LHFPL3: variants seen among roughly 807,000 people sequenced by gnomAD.
LHFPL3 encodes the protein LHFPL tetraspan subfamily member 3, also known as LHFPL tetraspan subfamily member 3 protein.
Under a neutral mutation model 19.3 loss-of-function variants are expected in LHFPL3, and 5 were observed. The ratio of observed to expected loss-of-function variants is 0.26; its 90% confidence interval spans 0.14 to 0.54. The LOEUF is 0.54. Among genes scored for constraint, LHFPL3 ranks in the 20% least tolerant of loss-of-function variants. The pLI is 0.94. For missense variants in LHFPL3, 249 were observed against 307.4 expected, an observed-to-expected ratio of 0.81 and a Z score of 1.42; for synonymous variants, 133 against 126.2, an observed-to-expected ratio of 1.05 and a Z score of -0.36.
chr7:104,687,081 C>T (rs1251276614), intron 1 of LHFPL3, among the ~76,000 whole-genome samples: 1 of 152,222 alleles, frequency 6.6e-6, no homozygotes, highest in Non-Finnish European at 1.5e-5. Context: ...GGTGGGGACA[C>T]AGAGCCAGAC....
At chr7:104,729,611 G>A (rs1793655075) in intron 1 of LHFPL3, among the ~76,000 whole-genome samples, 1 of 151,998 alleles carries the variant, frequency 6.6e-6, no homozygotes. Context: ...TATAAGTGAG[G>A]TCATGTGATA....
intron 1 of LHFPL3, among the ~76,000 whole-genome samples, chr7:104,527,187 C>T (rs781163810): frequency 1.1e-4 from 17 of 152,132 alleles, no homozygotes; most frequent in Non-Finnish European, 1.9e-4. Flanking sequence ...GAGAGTTGGG[C>T]AGGGGGCGGA....
At chr7:104,396,186 C>T (rs1370815788) in intron 1 of LHFPL3, among the ~76,000 whole-genome samples, 2 of 152,136 alleles carry the variant, frequency 1.3e-5, no homozygotes, top group Non-Finnish European at 2.9e-5. Flanking sequence ...CTGTCTTGTA[C>T]CTATTCTAGA....
intron 1 of LHFPL3, among the ~76,000 whole-genome samples, chr7:104,549,448 AACACAC>A (rs61148155): frequency 0.027 from 3,819 of 140,308 alleles, 71 homozygotes; most frequent in African/African-American, 0.051. Context: ...CCCTTAACCC[AACACAC>A]ACACACACAC....
At chr7:104,683,927 A>T (rs1200937071) in intron 1 of LHFPL3, among the ~76,000 whole-genome samples, 1 of 152,202 alleles carries the variant, frequency 6.6e-6, no homozygotes, top group African/African-American at 2.4e-5. Flanking sequence ...ATCAATTGAG[A>T]ACCAGTTCTC....
chr7:104,884,597 C>G (rs999151568), intron 2 of LHFPL3, among the ~76,000 whole-genome samples: 1 of 152,140 alleles, frequency 6.6e-6, no homozygotes, highest in African/African-American at 2.4e-5. Flanking sequence ...GCAGCCTGAT[C>G]TCAACCAGCT....
intron 2 of LHFPL3, among the ~76,000 whole-genome samples, chr7:104,775,545 C>T (rs564166966): frequency 2.0e-5 from 3 of 152,014 alleles, no homozygotes; most frequent in Non-Finnish European, 4.4e-5. Flanking sequence ...ATTTTCCTGC[C>T]AGGTGTGTGA....
intron 1 of LHFPL3, among the ~76,000 whole-genome samples, chr7:104,517,506 C>CTTTTTTTT (rs34506009): frequency 1.5e-5 from 2 of 129,376 alleles, no homozygotes; most frequent in African/African-American, 2.9e-5. Context: ...ATTGATTGGC[C>CTTTTTTTT]TTTTTTTTTT....
intron 1 of LHFPL3, chr7:104,669,587 C>A: frequency 6.2e-7 from 1 of 1,611,252 alleles, no homozygotes; most frequent in Non-Finnish European, 8.5e-7. Context: ...ACCTCTACAT[C>A]CTGTGCTTTT....
chr7:104,721,950 G>A (rs151280021), intron 1 of LHFPL3, among the ~76,000 whole-genome samples: 2 of 152,172 alleles, frequency 1.3e-5, no homozygotes, highest in East Asian at 3.9e-4. Flanking sequence ...GAATGTGACT[G>A]GACCCTTGGT....
intron 1 of LHFPL3, among the ~76,000 whole-genome samples, chr7:104,356,395 C>G (rs1790275963): frequency 6.6e-6 from 1 of 152,200 alleles, no homozygotes; most frequent in Non-Finnish European, 1.5e-5. Context: ...AAGGAATAAT[C>G]AAGGGCATGG....
intron 1 of LHFPL3, among the ~76,000 whole-genome samples, chr7:104,617,537 C>T (rs1000483941): frequency 3.9e-5 from 6 of 152,164 alleles, no homozygotes; most frequent in Non-Finnish European, 5.9e-5. Context: ...AATGAGAAAA[C>T]ATCTGGATAC....
chr7:104,500,693 C>A lies in LHFPL3; in HGVS notation c.445+171469C>A, dbSNP rs142458642. ...CACTTTTACCACCTTTCCCTCGCCA[C>A]AGAGGGCAGAGTGAATTTTCTAAAC... On this transcript the variant is annotated intron_variant, in intron 1 of 2. Transcript: ENST00000424859. Among the ~76,000 whole-genome samples, 221 of 152,328 alleles carry A rather than the reference C, an allele frequency of 1.5e-3. 3 individuals carry two copies. The highest frequency in any genetic ancestry group is 4.4e-3 in the African/African-American group (185 of 41,586).
At chr7:104,873,097 A>T (rs912783222) in intron 2 of LHFPL3, among the ~76,000 whole-genome samples, 1 of 152,218 alleles carries the variant, frequency 6.6e-6, no homozygotes, top group Non-Finnish European at 1.5e-5. Context: ...TGGGACCACC[A>T]TCATATATGC....
At position 104,833,000 on chromosome 7, in the gene LHFPL3, TTA is replaced by T. The variant is rs373220026; in HGVS notation, c.683-73175_683-73174del. ...TATCCTGGGTTATAGGACATATATATTATATATATATATTATATATAATAGAT... is the reference window on the plus strand; with the variant it reads ...TATCCTGGGTTATAGGACATATATATTATATATATATTATATATAATAGAT... On this transcript the variant is annotated intron_variant, in intron 2 of 2. Transcript: ENST00000424859. Among the ~76,000 whole-genome samples, 100 of 103,512 alleles carry T rather than the reference TTA, an allele frequency of 9.7e-4. 5 individuals are homozygous for T. The highest frequency in any genetic ancestry group is 4.0e-3 in the African/African-American group (96 of 23,960). The allele number at this position is 103,512 out of a possible 152,430, so 67.9% of individuals were successfully genotyped here.
chr7:104,572,128 G>T (rs546835723), intron 1 of LHFPL3, among the ~76,000 whole-genome samples: 1 of 152,302 alleles, frequency 6.6e-6, no homozygotes, highest in South Asian at 2.1e-4. Context: ...AGATCAAAAA[G>T]TGTGGTGGTG....
At chr7:104,828,995 G>A (rs891711139) in intron 2 of LHFPL3, among the ~76,000 whole-genome samples, 4 of 151,130 alleles carry the variant, frequency 2.6e-5, no homozygotes, top group East Asian at 3.9e-4. Context: ...AGATCGTACC[G>A]CTGCCTGCGT....
intron 1 of LHFPL3, among the ~76,000 whole-genome samples, chr7:104,590,405 C>T (rs916834022): frequency 4.6e-5 from 7 of 152,236 alleles, no homozygotes; most frequent in East Asian, 1.9e-4. Context: ...TGTTCAGTTT[C>T]GATGTAGTTG....
chr7:104,680,376 G>A (rs559806716), intron 1 of LHFPL3, among the ~76,000 whole-genome samples: 4 of 152,280 alleles, frequency 2.6e-5, no homozygotes, highest in East Asian at 1.9e-4. Context: ...TCCCTGTAAC[G>A]GGCTTTGTCA....
Sources: gnomAD v4.1 joint callset for allele counts (sites outside exome capture counted in the v4.1 genomes callset) on GRCh38, gnomAD v4.1.1 for gene constraint, MANE v1.5 for transcripts, NCBI Gene and HGNC (gene_info 2026-07-23, HGNC 2026-07-21) for gene names.